BCAS3: variants seen among roughly 807,000 people sequenced by gnomAD.
BCAS3 encodes BCAS4/BCAS3 fusion.
BCAS3 carries 53 observed loss-of-function variants against 116.1 expected under a neutral mutation model. That is an observed-to-expected ratio of 0.46 (90% CI 0.37 to 0.57). The LOEUF (loss-of-function observed/expected upper bound fraction) is 0.57. Ranked by LOEUF, BCAS3 falls within the 20% of genes least tolerant of loss-of-function variation. The pLI, the probability that BCAS3 is intolerant of heterozygous loss-of-function variation, is 0.00. For missense variants in BCAS3, 917 were observed against 1,165.4 expected (o/e 0.79, Z 3.10); for synonymous variants, 391 against 408.2 (o/e 0.96, Z 0.51).
chr17:61,170,324 G>T (rs906958915), intron 22 of BCAS3, among the ~76,000 whole-genome samples: 2 of 151,384 alleles, frequency 1.3e-5, no homozygotes, highest in African/African-American at 4.9e-5. Context: ...ACGGAGTCTC[G>T]CTCTGTCGCC....
chr17:61,040,668 G>A, intron 18 of BCAS3, 124 bp from the exon 19 acceptor site: 2 of 782,070 alleles, frequency 2.6e-6, no homozygotes, highest in Non-Finnish European at 2.1e-6. Context: ...ATGATTACAA[G>A]TTCATTTTAA....
At chr17:61,045,964 T>TA (rs1202941000) in intron 19 of BCAS3, among the ~76,000 whole-genome samples, 1 of 10,448 alleles carries the variant, frequency 9.6e-5, no homozygotes, top group Non-Finnish European at 1.2e-4. Context: ...AATATATATA[T>TA]AATATATATA....
Position 61,228,036 on chromosome 17 carries a change from A to G in BCAS3, c.2426-140291A>G, listed in dbSNP as rs915161399. Among the ~76,000 whole-genome samples the G allele has an allele frequency of 3.3e-5, 5 of 152,082 alleles. No homozygotes were observed. The highest frequency in any genetic ancestry group is 1.9e-4 in the East Asian group (1 of 5,178). On this transcript the variant is annotated intron_variant, in intron 22 of 23. Coordinates refer to ENST00000407086, the MANE Select transcript of BCAS3 (RefSeq NM_017679.5). The surrounding 1 kb of genome is among the most constrained non-coding windows in gnomAD (Gnocchi z 5.0). ...TTCCAATTTCCAGCACAGGTTTTGCATCTGGTTTTCCTAAGAAGGCCCCTT... is the reference window on the plus strand; with the variant it reads ...TTCCAATTTCCAGCACAGGTTTTGCGTCTGGTTTTCCTAAGAAGGCCCCTT...
chr17:60,780,586 A>G (rs1454651348), intron 6 of BCAS3, among the ~76,000 whole-genome samples: 1 of 151,428 alleles, frequency 6.6e-6, no homozygotes, highest in Non-Finnish European at 1.5e-5. Flanking sequence ...TACAGGCATG[A>G]GCCACCACAC....
chr17:61,255,525 T>C (rs1184504672), intron 22 of BCAS3, among the ~76,000 whole-genome samples: 1 of 152,212 alleles, frequency 6.6e-6, no homozygotes, highest in Non-Finnish European at 1.5e-5. Flanking sequence ...CCTAAGTCTA[T>C]CCATCCTTCT....
Position 61,325,833 on chromosome 17 carries a change from T to TC in BCAS3, c.2426-42491dup. On this transcript the variant is annotated intron_variant, in intron 22 of 23. Transcript: ENST00000407086. This position sits in a 1 kb window ranked among gnomAD's most constrained non-coding sequence, Gnocchi z 6.4. ...TGGCAAGATAAACAGGATAGGGTGG[T>TC]CCCTGGGGACAGTCATCTGGGACCC... is the stretch of plus-strand genomic sequence containing the variant. 6.6e-6 allele frequency among the ~76,000 whole-genome samples: 1 copy of TC among 152,012 alleles called. No individual in the cohort carries two copies. Among genetic ancestry groups the TC allele is most frequent in the Non-Finnish European group, 1.5e-5 (1 of 68,018 alleles).
intron 22 of BCAS3, among the ~76,000 whole-genome samples, chr17:61,357,774 A>G (rs930731964): frequency 6.7e-6 from 1 of 149,664 alleles, no homozygotes; most frequent in Non-Finnish European, 1.5e-5. Context: ...ATAATAATAA[A>G]AAATATAAAA....
At position 61,098,958 on chromosome 17, in the gene BCAS3, A is replaced by G. The variant is rs762993081; in HGVS notation, c.2425+14394A>G. ...GCTAACACGGTGAAACCCCATCTCT[A>G]CTAAAAATACGAAAAATTAGCCGGG... On this transcript the variant is annotated intron_variant, in intron 22 of 23. Transcript: ENST00000407086. This position sits in a 1 kb window ranked among gnomAD's most constrained non-coding sequence, Gnocchi z 4.2. 6.6e-6 allele frequency among the ~76,000 whole-genome samples: 1 copy of G among 152,038 alleles called. No homozygotes were observed. The highest frequency in any genetic ancestry group is 1.5e-5 in the Non-Finnish European group (1 of 68,012).
At chr17:60,918,847 A>C (rs2120222) in intron 12 of BCAS3, among the ~76,000 whole-genome samples, 47,453 of 151,584 alleles carry the variant, frequency 0.31, 12,461 homozygotes, top group African/African-American at 0.72. Context: ...CACCCGCCAC[A>C]ATGCCCAACT....
rs1180420326 is a variant in BCAS3 at position 60,995,167 on chromosome 17, CT to C, written c.1486+4936del. ...TAATTCTATTCTATTCTTTTCTTTT[CT>C]TTTAGACGGAGTCTTGCTCTGTCTC... On this transcript the variant is annotated intron_variant, in intron 15 of 23. Coordinates refer to ENST00000407086, the MANE Select transcript of BCAS3 (RefSeq NM_017679.5). The surrounding 1 kb of genome is among the most constrained non-coding windows in gnomAD (Gnocchi z 4.7). Among the ~76,000 whole-genome samples the C allele has an allele frequency of 1.3e-5, 2 of 151,436 alleles. No homozygotes were observed. Among genetic ancestry groups the C allele is most frequent in the East Asian group, 3.9e-4 (2 of 5,150 alleles).
intron 16 of BCAS3, among the ~76,000 whole-genome samples, chr17:61,031,821 A>G (rs1210791769): frequency 1.3e-5 from 2 of 152,138 alleles, no homozygotes; most frequent in Non-Finnish European, 2.9e-5. Context: ...GAAATGATGA[A>G]ATATAAAAAT....
At chr17:61,101,600 G>A (rs2074332365) in intron 22 of BCAS3, among the ~76,000 whole-genome samples, 1 of 152,090 alleles carries the variant, frequency 6.6e-6, no homozygotes, top group African/African-American at 2.4e-5. Flanking sequence ...TAACATATGA[G>A]TGAGGATTCC....
At chr17:61,024,939 A>G (rs529329461) in intron 16 of BCAS3, among the ~76,000 whole-genome samples, 4 of 152,118 alleles carry the variant, frequency 2.6e-5, no homozygotes, top group Non-Finnish European at 4.4e-5. Flanking sequence ...CTGAGTAGGT[A>G]CAATATAACG....
chr17:60,829,206 A>G (rs1012571883), intron 7 of BCAS3, among the ~76,000 whole-genome samples: 2 of 152,082 alleles, frequency 1.3e-5, no homozygotes, highest in Non-Finnish European at 2.9e-5. Context: ...GTATAACAAT[A>G]GTAGAGGGTC....
chr17:61,079,247 T>TA (rs2072321782), intron 21 of BCAS3, among the ~76,000 whole-genome samples: 1 of 152,194 alleles, frequency 6.6e-6, no homozygotes, highest in Non-Finnish European at 1.5e-5. Flanking sequence ...CTCTATAGTA[T>TA]ATCTTGAATT....
intron 7 of BCAS3, among the ~76,000 whole-genome samples, chr17:60,814,946 C>T (rs1443372813): frequency 2.6e-5 from 4 of 152,148 alleles, no homozygotes; most frequent in Admixed American, 2.6e-4. Context: ...CATCCCATTA[C>T]TGGATATATA....
intron 22 of BCAS3, among the ~76,000 whole-genome samples, chr17:61,191,624 A>T (rs2080123117): frequency 6.6e-6 from 1 of 151,736 alleles, no homozygotes; most frequent in Admixed American, 6.6e-5. Flanking sequence ...AAATACAAAA[A>T]ATTAGACAGG....
rs1200324591 is a variant in BCAS3, at chr17:61,204,303, A to G, written c.2425+119739A>G. Among the ~76,000 whole-genome samples, 1 of 152,234 alleles carries G rather than the reference A, an allele frequency of 6.6e-6. No individual in the cohort carries two copies. The highest frequency in any genetic ancestry group is 2.4e-5 in the African/African-American group (1 of 41,446). On this transcript the variant is annotated intron_variant, in intron 22 of 23. Transcript: ENST00000407086. This position sits in a 1 kb window ranked among gnomAD's most constrained non-coding sequence, Gnocchi z 4.2. ...TCTGTATTCAAATGGGAATTGCTGC[A>G]TTTCTATAAATAGAATGAAGGTCAT...
chr17:61,111,810 G>A (rs2075114563), intron 22 of BCAS3, among the ~76,000 whole-genome samples: 1 of 114,664 alleles, frequency 8.7e-6, no homozygotes, highest in African/African-American at 3.2e-5. Context: ...TGAAATGAAG[G>A]AAAAAATGTT....
Sources: gnomAD v4.1 joint callset for allele counts (sites outside exome capture counted in the v4.1 genomes callset) on GRCh38, gnomAD v4.1.1 for gene constraint, Gnocchi (gnomAD v3.1) non-coding constraint, MANE v1.5 for transcripts, NCBI Gene and HGNC (gene_info 2026-07-23, HGNC 2026-07-21) for gene names.